CSTL1: variants seen among roughly 807,000 people sequenced by gnomAD.
The protein encoded by CSTL1 is cystatin like 1.
Under a neutral mutation model 14.4 loss-of-function variants are expected in CSTL1, and 14 were observed. The ratio of observed to expected loss-of-function variants is 0.97; its 90% CI spans 0.64 to 1.52. CSTL1 has a LOEUF of 1.52. Among genes scored for constraint, CSTL1 ranks in the 40% most tolerant of loss-of-function variants. The pLI is 0.00. For synonymous variants in CSTL1, 72 were observed against 67.5 expected, an observed-to-expected ratio of 1.07 and a Z score of -0.33; for missense variants, 170 against 168.7, an observed-to-expected ratio of 1.01 and a Z score of -0.04.
At chr20:23,441,911 G>C (rs552575148) in intron 2 of CSTL1, among the ~76,000 whole-genome samples, 1 of 152,168 alleles carries the variant, frequency 6.6e-6, no homozygotes, top group Non-Finnish European at 1.5e-5. Flanking sequence ...CCGGCAAGGC[G>C]GGAGGGCAGC....
intron 2 of CSTL1, 57 bp downstream of exon 2, chr20:23,440,543 T>A (rs931804051): frequency 7.5e-7 from 1 of 1,342,102 alleles, no homozygotes; most frequent in African/African-American, 1.4e-5. Flanking sequence ...AGTTCAGACA[T>A]GTGAGGATTC....
At chr20:23,451,571 C>T in the CSTL1 span, among the ~76,000 whole-genome samples, 2 of 152,152 alleles carry the variant, frequency 1.3e-5, no homozygotes, top group East Asian at 1.9e-4. Context: ...CCCTGCAGCT[C>T]GGCCACCTCA....
chr20:23,457,373 G>A, the CSTL1 span, among the ~76,000 whole-genome samples: 3 of 152,100 alleles, frequency 2.0e-5, no homozygotes, highest in Non-Finnish European at 4.4e-5. Flanking sequence ...GGTGGCTTCT[G>A]TATCCGCTAT....
chr20:23,456,380 T>C, the CSTL1 span, among the ~76,000 whole-genome samples: 1 of 152,166 alleles, frequency 6.6e-6, no homozygotes, highest in South Asian at 2.1e-4. Context: ...TTTTTCCCTA[T>C]GCACACCACA....
chr20:23,459,900 C>T, the CSTL1 span, among the ~76,000 whole-genome samples: 1 of 152,242 alleles, frequency 6.6e-6, no homozygotes, highest in East Asian at 1.9e-4. Context: ...GCACTGTTCA[C>T]TCTGGCCTCT....
At chr20:23,445,231 C>CTTT (rs11478198), downstream of CSTL1, among the ~76,000 whole-genome samples, 2 of 134,170 alleles carry the variant, frequency 1.5e-5, no homozygotes, top group Admixed American at 7.5e-5. Context: ...TTCTTTCTTT[C>CTTT]TTTTTTTTTT....
the CSTL1 span, among the ~76,000 whole-genome samples, chr20:23,452,148 T>C: frequency 2.6e-5 from 4 of 152,220 alleles, no homozygotes; most frequent in African/African-American, 2.4e-5. Context: ...AATCTATCCC[T>C]TGGGTAATGC....
chr20:23,451,974 C>T, the CSTL1 span: 1,438 of 1,402,956 alleles, frequency 1.0e-3, 2 homozygotes, highest in Non-Finnish European at 1.2e-3. Context: ...CCCCTGTCTG[C>T]GGTTTCTGTG....
chr20:23,444,633 A>G, intron 3 of CSTL1, 138 bp from the exon 4 acceptor site: 1 of 626,012 alleles, frequency 1.6e-6, no homozygotes, highest in Non-Finnish European at 2.9e-6. Context: ...TTCTGTTTCT[A>G]CCCTTGACTG....
chr20:23,460,167 G>C, the CSTL1 span, among the ~76,000 whole-genome samples: 1 of 152,194 alleles, frequency 6.6e-6, no homozygotes, highest in Admixed American at 6.5e-5. Flanking sequence ...ATGGGATCCT[G>C]CTTCACAGCT....
At chr20:23,452,507 G>T in the CSTL1 span, 1 of 877,562 alleles carries the variant, frequency 1.1e-6, no homozygotes, top group Non-Finnish European at 1.9e-6. Context: ...TCCCTTGAGT[G>T]GGACTATTCC....
chr20:23,455,256 T>C, the CSTL1 span, among the ~76,000 whole-genome samples: 1 of 152,222 alleles, frequency 6.6e-6, no homozygotes, highest in African/African-American at 2.4e-5. Context: ...TTTTCAACTC[T>C]TGTGTGCTTA....
Position 23,440,279 on chromosome 20 carries a change from A to G in CSTL1, c.12A>G (p.Gly4=). The part of the protein sequence containing the change: MGI[G]CWRNPLLLLI... ...CTGAGGCTGTAGACATGGGGATCGG[A>G]TGCTGGAGAAACCCCCTGCTGCTGC... is the stretch of plus-strand genomic sequence containing the variant. The change falls in exon 2 of 4, where the codon GGA becomes GGG. Residue 4 remains glycine (G), a synonymous_variant. Transcript: ENST00000347397. The G allele has an allele frequency of 6.2e-7, 1 of 1,614,126 alleles. No individual in the cohort carries two copies. The highest frequency in any genetic ancestry group is 8.5e-7 in the Non-Finnish European group (1 of 1,180,024).
Position 23,440,234 on chromosome 20 carries a change from T to A in CSTL1, c.-34T>A. On this transcript the variant is annotated 5_prime_UTR_variant, in exon 2 of 4. Transcript: ENST00000347397. ...CCTGGCACCACCACACCCTGGAAGG[T>A]GCAGTTGGGAAGAAAGTTTCTGAGG... 1 of 1,609,480 alleles carries A rather than the reference T, an allele frequency of 6.2e-7. No individual in the cohort carries two copies. The highest frequency in any genetic ancestry group is 8.5e-7 in the Non-Finnish European group (1 of 1,177,006).
the CSTL1 span, chr20:23,459,538 A>G: frequency 2.0e-5 from 3 of 150,004 alleles, no homozygotes; most frequent in Non-Finnish European, 4.4e-5. Context: ...TGAACCACTG[A>G]CAATGTTCAC....
At chr20:23,453,877 C>T in the CSTL1 span, among the ~76,000 whole-genome samples, 1 of 152,000 alleles carries the variant, frequency 6.6e-6, no homozygotes, top group African/African-American at 2.4e-5. Flanking sequence ...CATTCACACC[C>T]GAACACACGG....
chr20:23,445,274 C>A (rs533851129), downstream of CSTL1, among the ~76,000 whole-genome samples: 2 of 149,632 alleles, frequency 1.3e-5, no homozygotes, highest in East Asian at 3.9e-4. Flanking sequence ...CTCTGTTGCC[C>A]AGGCTGGAGA....
chr20:23,458,869 G>GA, the CSTL1 span, among the ~76,000 whole-genome samples: 1 of 152,080 alleles, frequency 6.6e-6, no homozygotes, highest in African/African-American at 2.4e-5. Context: ...ACCTTCCCTA[G>GA]ACCATTTGGC....
chr20:23,446,100 G>A (rs1038351590), downstream of CSTL1, among the ~76,000 whole-genome samples: 1 of 152,152 alleles, frequency 6.6e-6, no homozygotes, highest in Non-Finnish European at 1.5e-5. Context: ...AGGATAGCAG[G>A]GGTTCAATGT....
Sources: gnomAD v4.1 joint callset for allele counts (sites outside exome capture counted in the v4.1 genomes callset) on GRCh38, gnomAD v4.1.1 for gene constraint, MANE v1.5 for transcripts, NCBI Gene and HGNC (gene_info 2026-07-23, HGNC 2026-07-21) for gene names.